The following RASGRF2 variants were observed in gnomAD, a reference collection of about 807,000 sequenced individuals.
RASGRF2 encodes the protein Ras protein specific guanine nucleotide releasing factor 2, also known as ras-specific guanine nucleotide-releasing factor 2.
RASGRF2 carries 76 observed loss-of-function variants against 151.0 expected under a neutral mutation model. That is an observed-to-expected ratio of 0.50 (90% CI 0.42 to 0.61). RASGRF2 has a LOEUF of 0.61. RASGRF2 is among the 20% of genes least tolerant of loss of function. The pLI, the probability that RASGRF2 is intolerant of heterozygous loss-of-function variation, is 0.00. For missense variants in RASGRF2, 1,148 were observed against 1,564.6 expected, an observed-to-expected ratio of 0.73 and a Z score of 4.49; for synonymous variants, 504 against 566.5, an observed-to-expected ratio of 0.89 and a Z score of 1.57.
chr5:81,011,614 GCCTGTAATC>G lies in RASGRF2; in HGVS notation c.289-31260_289-31252del, dbSNP rs1470055551. Among the ~76,000 whole-genome samples the G allele has an allele frequency of 2.6e-5, 4 of 152,246 alleles. No homozygotes were observed. In the East Asian group the frequency reaches 7.7e-4, roughly 29 times the overall value. On this transcript the variant is annotated intron_variant, in intron 1 of 26. Coordinates refer to ENST00000265080, the MANE Select transcript of RASGRF2 (RefSeq NM_006909.3). ...AAATTAGCCTGGCATGGTGGCACAT[GCCTGTAATC>G]CCAGCTACTCGGGAGACTGAGGCAG...
chr5:81,011,187 T>G (rs1191483695), intron 1 of RASGRF2, among the ~76,000 whole-genome samples: 1 of 152,176 alleles, frequency 6.6e-6, no homozygotes, highest in African/African-American at 2.4e-5. Flanking sequence ...TGAATACTTT[T>G]TCATAAATGT....
At chr5:81,187,315 G>A (rs1755047039) in intron 18 of RASGRF2, among the ~76,000 whole-genome samples, 1 of 152,140 alleles carries the variant, frequency 6.6e-6, no homozygotes, top group Non-Finnish European at 1.5e-5. Flanking sequence ...TTATTGAATG[G>A]AATTAAATGT....
chr5:81,189,860 C>A (rs534495910), intron 18 of RASGRF2, among the ~76,000 whole-genome samples: 1 of 151,990 alleles, frequency 6.6e-6, no homozygotes, highest in Admixed American at 6.6e-5. Flanking sequence ...TACAGGCATG[C>A]GCCACCACAC....
intron 1 of RASGRF2, among the ~76,000 whole-genome samples, chr5:80,974,326 A>G (rs946273656): frequency 7.9e-5 from 12 of 152,224 alleles, no homozygotes; most frequent in Non-Finnish European, 1.6e-4. Context: ...AGTCAGTTCT[A>G]CCCCCGAATG....
chr5:81,108,895 A>C, intron 12 of RASGRF2, 101 bp from the exon 13 acceptor site: 1 of 1,439,540 alleles, frequency 6.9e-7, no homozygotes, highest in South Asian at 1.5e-5. Flanking sequence ...AGACAGGGAG[A>C]GAGAAATTGA....
chr5:81,197,405 G>A (rs948018077), intron 18 of RASGRF2, among the ~76,000 whole-genome samples: 3 of 129,566 alleles, frequency 2.3e-5, no homozygotes, highest in African/African-American at 8.7e-5. Flanking sequence ...GCAGTGAGCC[G>A]AGATTGCGCC....
At chr5:81,080,883 TG>T (rs1752067664) in intron 7 of RASGRF2, 94 bp downstream of exon 7, 4 of 1,171,004 alleles carry the variant, frequency 3.4e-6, no homozygotes, top group Non-Finnish European at 4.9e-6. Context: ...AAGTGTGCCC[TG>T]GGAGGAATTA....
At chr5:81,007,725 A>T (rs1749317851) in intron 1 of RASGRF2, among the ~76,000 whole-genome samples, 1 of 152,150 alleles carries the variant, frequency 6.6e-6, no homozygotes, top group Non-Finnish European at 1.5e-5. Context: ...TAACTGCTTG[A>T]CTTGCTCACC....
At position 81,228,720 on chromosome 5, in the gene RASGRF2, G is replaced by A. The variant is rs1056128538; in HGVS notation, c.*2950G>A. ...CTGAGACATCTAGTTTTGCTACAGG[G>A]ACAAATCTCTTACCTAATCCAATAT... On this transcript the variant is annotated 3_prime_UTR_variant, in exon 27 of 27. Transcript: ENST00000265080. 5 of 152,140 alleles carry A rather than the reference G, an allele frequency of 3.3e-5. No individual in the cohort carries two copies. The highest frequency in any genetic ancestry group is 1.2e-4 in the African/African-American group (5 of 41,414). The allele number at this position is 152,140 out of a possible 1,614,324, so 9.4% of individuals were successfully genotyped here.
chr5:81,073,304 A>G lies in RASGRF2; in HGVS notation c.739A>G (p.Ile247Val). Reference sequence around the variant, plus strand: ...TGAAAGTATGAGGAAGAGAAACCAGATTGTGTTCACCATGGTGGAGGCAGA... The same window carrying G: ...TGAAAGTATGAGGAAGAGAAACCAGGTTGTGTTCACCATGGTGGAGGCAGA... ...HAESMRKRNQIVFTMVEAESE... is the reference protein window; with the variant it reads ...HAESMRKRNQVVFTMVEAESE... The change falls in exon 5 of 27, where the codon ATT (isoleucine) becomes GTT (valine). Residue 247 changes from isoleucine to valine, a missense_variant. By Grantham distance (29) the Ile-to-Val change is conservative. Around this residue, in one of 5 missense-constraint regions of RASGRF2, gnomAD observed 176 missense variants for 309.6 expected, o/e 0.57. Coordinates refer to ENST00000265080, the MANE Select transcript of RASGRF2 (RefSeq NM_006909.3). 6.2e-7 allele frequency: 1 copy of G among 1,614,122 alleles called. No homozygotes were observed. Among genetic ancestry groups the G allele is most frequent in the East Asian group, 2.2e-5 (1 of 44,882 alleles).
chr5:81,170,849 T>C (rs533539795), intron 17 of RASGRF2, among the ~76,000 whole-genome samples: 81 of 152,286 alleles, frequency 5.3e-4, no homozygotes, highest in African/African-American at 1.9e-3. Flanking sequence ...ACTATTTTCC[T>C]TGTCCACAAA....
At position 81,217,491 on chromosome 5, in the gene RASGRF2, A is replaced by G. The variant is rs533076141; in HGVS notation, c.3552+18A>G. On this transcript the variant is annotated intron_variant, in intron 25 of 26. Coordinates refer to ENST00000265080, the MANE Select transcript of RASGRF2 (RefSeq NM_006909.3). Reference sequence around the variant, plus strand: ...TGAGAATGGTAGGTATAATTTCATAATTAGCCTGTTTCAATGGCTTTAGAG... The same window carrying G: ...TGAGAATGGTAGGTATAATTTCATAGTTAGCCTGTTTCAATGGCTTTAGAG... 8.8e-6 allele frequency: 14 copies of G among 1,599,108 alleles called. No homozygotes were observed. In the East Asian group the frequency reaches 3.0e-4, roughly 34 times the overall value.
intron 18 of RASGRF2, among the ~76,000 whole-genome samples, chr5:81,199,028 G>A (rs1326239264): frequency 6.6e-6 from 1 of 152,198 alleles, no homozygotes; most frequent in African/African-American, 2.4e-5. Flanking sequence ...CCCACCAATA[G>A]TGTATAAGTG....
chr5:81,158,872 T>A (rs1370918401), intron 17 of RASGRF2, among the ~76,000 whole-genome samples: 2 of 152,224 alleles, frequency 1.3e-5, no homozygotes, highest in Non-Finnish European at 2.9e-5. Context: ...GAAAACAGTT[T>A]GCCAGTTTCT....
intron 17 of RASGRF2, among the ~76,000 whole-genome samples, chr5:81,151,596 A>G (rs1754137105): frequency 6.6e-6 from 1 of 152,144 alleles, no homozygotes; most frequent in African/African-American, 2.4e-5. Context: ...GATCAAGGAA[A>G]GCACCTCCAA....
At chr5:80,969,541 A>C (rs190838868) in intron 1 of RASGRF2, among the ~76,000 whole-genome samples, 4,873 of 147,764 alleles carry the variant, frequency 0.033, 122 homozygotes, top group African/African-American at 0.066. Context: ...CTCCGCCTCC[A>C]GGGTTCACAC....
Position 81,229,530 on chromosome 5 carries a change from T to C in RASGRF2, c.*3760T>C, listed in dbSNP as rs1756066932. ...GAAAACAGTCATTTTGTTGTAGGTA[T>C]AAACACATGAACGATTCAGAAAATT... On this transcript the variant is annotated 3_prime_UTR_variant, in exon 27 of 27. Coordinates refer to ENST00000265080, the MANE Select transcript of RASGRF2 (RefSeq NM_006909.3). 1 of 152,260 alleles carries C rather than the reference T, an allele frequency of 6.6e-6. No individual in the cohort carries two copies. The highest frequency in any genetic ancestry group is 1.5e-5 in the Non-Finnish European group (1 of 68,042). The allele number at this position is 152,260 out of a possible 1,614,324, so 9.4% of individuals were successfully genotyped here.
Position 81,212,398 on chromosome 5 carries a change from C to T in RASGRF2, c.3189C>T (p.Asn1063=). The change falls in exon 23 of 27, where the codon AAC becomes AAT. Residue 1063 remains asparagine (N), a synonymous_variant. Coordinates refer to ENST00000265080, the MANE Select transcript of RASGRF2 (RefSeq NM_006909.3). ...MSNLVASQIM[N]YADVSSRANA... ...ACCTGGTGGCCTCCCAGATAATGAA[C>T]TATGCTGATGTCAGCTCCCGTGCCA... 1.2e-6 allele frequency: 2 copies of T among 1,612,154 alleles called. No individual in the cohort carries two copies. Among genetic ancestry groups the T allele is most frequent in the Admixed American group, 1.7e-5 (1 of 59,822 alleles).
intron 1 of RASGRF2, among the ~76,000 whole-genome samples, chr5:80,986,044 A>G (rs902293371): frequency 6.6e-6 from 1 of 152,196 alleles, no homozygotes; most frequent in Non-Finnish European, 1.5e-5. Context: ...GGTTTTTATT[A>G]TAGTAGTTAA....
Sources: gnomAD v4.1 joint callset for allele counts (sites outside exome capture counted in the v4.1 genomes callset) on GRCh38, gnomAD v4.1.1 for gene constraint, gnomAD v4.1.1 regional missense constraint, MANE v1.5 for transcripts, NCBI Gene and HGNC (gene_info 2026-07-23, HGNC 2026-07-21) for gene names.